Variants in TXLNG observed in about 807,000 individuals in gnomAD.
TXLNG encodes the protein taxilin gamma.
TXLNG carries 5 observed loss-of-function variants against 38.8 expected under a neutral mutation model. That is an observed-to-expected ratio of 0.13 (90% CI 0.07 to 0.27). TXLNG has a LOEUF of 0.27. Among genes scored for constraint, TXLNG ranks in the 10% least tolerant of loss-of-function variants. The pLI, the probability that TXLNG is intolerant of heterozygous loss-of-function variation, is 1.00. For synonymous variants in TXLNG, 182 were observed against 158.2 expected, an observed-to-expected ratio of 1.15 and a Z score of -1.13; for missense variants, 393 against 398.2, an observed-to-expected ratio of 0.99 and a Z score of 0.11.
In TXLNG at chrX:16,818,797, T is replaced by C. The variant is rs757044727; in HGVS notation, c.326T>C (p.Ile109Thr). ...AYCTQESREE[I>T]PGGEARTDPP... The stretch of plus-strand genomic sequence containing the variant: ...TGCACGCAAGAATCAAGAGAGGAAA[T>C]CCCTGGGGGAGAAGCTCGAACAGAT... The change falls in exon 2 of 10, where the codon ATC becomes ACC. Residue 109 changes from isoleucine (I) to threonine (T), a missense_variant. Ile to Thr is a moderately conservative substitution (Grantham distance 89, BLOSUM62 -1). Coordinates refer to ENST00000380122, the MANE Select transcript of TXLNG (RefSeq NM_018360.3). 11 of 1,210,230 alleles carry C rather than the reference T, an allele frequency of 9.1e-6. No homozygotes were observed. The highest frequency in any genetic ancestry group is 3.0e-5 in the East Asian group (1 of 33,797).
At position 16,839,867 on chromosome X, in the gene TXLNG, G is replaced by A. The variant is rs182737478; in HGVS notation, c.1199G>A (p.Arg400His). The change falls in exon 9 of 10, where the codon CGT becomes CAT. Residue 400 changes from arginine (R) to histidine (H), a missense_variant. Coordinates refer to ENST00000380122, the MANE Select transcript of TXLNG (RefSeq NM_018360.3). The stretch of plus-strand genomic sequence containing the variant: ...CTGGAAAAAGAAACAATAATTTGGC[G>A]TACCAAATGGGAAAACAATAATAAA... ...KKLEKETIIW[R>H]TKWENNNKAL... 37 of 1,201,841 alleles carry A rather than the reference G, an allele frequency of 3.1e-5. No individual in the cohort carries two copies. In the East Asian group the frequency reaches 6.6e-4, roughly 21 times the overall value.
intron 1 of TXLNG, among the ~76,000 whole-genome samples, chrX:16,808,718 C>CT (rs1464459427): frequency 1.8e-5 from 2 of 111,400 alleles, no homozygotes; most frequent in African/African-American, 3.3e-5. Flanking sequence ...CCACCTTATT[C>CT]TTTTTTTTAA....
intron 1 of TXLNG, among the ~76,000 whole-genome samples, chrX:16,790,332 C>T (rs1476950216): frequency 1.8e-5 from 2 of 111,104 alleles, no homozygotes; most frequent in African/African-American, 6.5e-5. Flanking sequence ...TCATCCCTCT[C>T]TCCCTTCCCC....
chrX:16,828,023 CATT>C (rs1929232233), intron 3 of TXLNG, 68 bp from the exon 4 acceptor site: 5 of 992,220 alleles, frequency 5.0e-6, no homozygotes, highest in Non-Finnish European at 6.8e-6. Flanking sequence ...CCATAGCTCT[CATT>C]ATAATTCTAG....
At chrX:16,828,327 G>T (rs1318676421) in intron 4 of TXLNG, 63 bp downstream of exon 4, 12 of 1,041,519 alleles carry the variant, frequency 1.2e-5, no homozygotes, top group Non-Finnish European at 1.5e-5. Flanking sequence ...AATCAACCCT[G>T]TGCCTATCTG....
intron 1 of TXLNG, among the ~76,000 whole-genome samples, chrX:16,801,197 G>GT (rs1216329293): frequency 4.5e-5 from 5 of 110,536 alleles, no homozygotes; most frequent in Admixed American, 1.9e-4. Context: ...TTTTTTGTTT[G>GT]TTTTTTGAGA....
At chrX:16,841,332 T>C in intron 9 of TXLNG, 96 bp from the exon 10 acceptor site, 1 of 731,106 alleles carries the variant, frequency 1.4e-6, no homozygotes. Flanking sequence ...ACATGTTCCA[T>C]AGGTGAGAAG....
intron 5 of TXLNG, among the ~76,000 whole-genome samples, chrX:16,830,063 T>G (rs1929331251): frequency 9.0e-6 from 1 of 111,350 alleles, no homozygotes; most frequent in Admixed American, 9.5e-5. Context: ...TTGTTTTCCC[T>G]TATCCAGACT....
rs1929981353 is a variant in TXLNG, at chrX:16,843,974, C to T, written c.*2208C>T. 9.0e-6 allele frequency: 1 copy of T among 111,451 alleles called. No individual in the cohort carries two copies. The highest frequency in any genetic ancestry group is 3.3e-5 in the African/African-American group (1 of 30,574). The allele number at this position is 111,451 out of a possible 1,213,427, so 9.2% of individuals were successfully genotyped here. On this transcript the variant is annotated 3_prime_UTR_variant, in exon 10 of 10. Transcript: ENST00000380122. ...CCCAGTGTTGTGGCTTTGTAGCGCACCCCGTATCTACCATATTCTAGAACA... is the reference window on the plus strand; with the variant it reads ...CCCAGTGTTGTGGCTTTGTAGCGCATCCCGTATCTACCATATTCTAGAACA...
At chrX:16,820,440 G>T (rs1034417274) in intron 3 of TXLNG, among the ~76,000 whole-genome samples, 185 bp downstream of exon 3, 2 of 111,773 alleles carry the variant, frequency 1.8e-5, no homozygotes, top group African/African-American at 3.3e-5. Flanking sequence ...CATTTTATGA[G>T]GTAATATATA....
At chrX:16,804,802 C>T (rs765884389) in intron 1 of TXLNG, among the ~76,000 whole-genome samples, 4 of 108,649 alleles carry the variant, frequency 3.7e-5, no homozygotes, top group African/African-American at 1.3e-4. Context: ...CATTATGTAG[C>T]GGTGAAATCT....
chrX:16,834,412 G>GA (rs778749247), intron 7 of TXLNG, 55 bp downstream of exon 7: 12 of 1,041,710 alleles, frequency 1.2e-5, no homozygotes, highest in Non-Finnish European at 1.5e-5. Context: ...TGGTTCCTTT[G>GA]ATTCTGCATA....
At chrX:16,789,904 C>A (rs1402144859) in intron 1 of TXLNG, among the ~76,000 whole-genome samples, 1 of 109,736 alleles carries the variant, frequency 9.1e-6, no homozygotes, top group Non-Finnish European at 1.9e-5. Flanking sequence ...AAGCAATTCT[C>A]CTGCCTCAGC....
At position 16,786,478 on chromosome X, in the gene TXLNG, C is replaced by T. The variant is rs1245783941; in HGVS notation, c.-10C>T. 1.3e-5 allele frequency: 14 copies of T among 1,109,775 alleles called. No individual in the cohort carries two copies. Among genetic ancestry groups the T allele is most frequent in the Non-Finnish European group, 1.5e-5 (13 of 846,889 alleles). The allele number at this position is 1,109,775 out of a possible 1,213,427, so 91.5% of individuals were successfully genotyped here. Reference sequence around the variant, plus strand: ...TGTCGGGCCGCTTGTTTGGCTGCTGCCGTCACCTCATGGCGACGCGGGTAG... The same window carrying T: ...TGTCGGGCCGCTTGTTTGGCTGCTGTCGTCACCTCATGGCGACGCGGGTAG... On this transcript the variant is annotated 5_prime_UTR_variant, in exon 1 of 10. Transcript: ENST00000380122.
At position 16,842,508 on chromosome X, in the gene TXLNG, T is replaced by G. The variant is rs374411559; in HGVS notation, c.*742T>G. The G allele has an allele frequency of 2.7e-5, 3 of 111,815 alleles. No homozygotes were observed. Among genetic ancestry groups the G allele is most frequent in the South Asian group, 7.5e-4 (2 of 2,654 alleles). The allele number at this position is 111,815 out of a possible 1,213,427, so 9.2% of individuals were successfully genotyped here. On this transcript the variant is annotated 3_prime_UTR_variant, in exon 10 of 10. Coordinates refer to ENST00000380122, the MANE Select transcript of TXLNG (RefSeq NM_018360.3). ...GGGGCTCCCGTAGAGGATGGCGGTT[T>G]GTGTTTGATTCTGATTTGGGATTTC...
At chrX:16,836,686 A>G (rs928588827) in intron 7 of TXLNG, among the ~76,000 whole-genome samples, 9 of 112,372 alleles carry the variant, frequency 8.0e-5, no homozygotes, top group Admixed American at 2.8e-4. Flanking sequence ...GCTGGTGAAT[A>G]TTCTGCATCC....
intron 1 of TXLNG, among the ~76,000 whole-genome samples, chrX:16,791,565 G>A (rs904643980): frequency 5.4e-5 from 6 of 111,789 alleles, no homozygotes; most frequent in Admixed American, 9.6e-5. Context: ...TTATTGGAAC[G>A]TGTTTTATTT....
intron 7 of TXLNG, among the ~76,000 whole-genome samples, chrX:16,836,068 A>G (rs1320148980): frequency 1.8e-5 from 2 of 112,210 alleles, no homozygotes; most frequent in Non-Finnish European, 3.8e-5. Context: ...GACCAGCCTG[A>G]GCAACATGGT....
rs192741886 is a variant in TXLNG, at chrX:16,815,637, C to T, written c.103-2937C>T. On this transcript the variant is annotated intron_variant, in intron 1 of 9. Transcript: ENST00000380122. ...CCCGGGTTCAAGCGATTCTCCTGCC[C>T]CAGCCTCCCGAGTAGCTGGGATTAC... Among the ~76,000 whole-genome samples, 353 of 108,712 alleles carry T rather than the reference C, an allele frequency of 3.2e-3. 4 individuals carry two copies. The highest frequency in any genetic ancestry group is 0.011 in the African/African-American group (340 of 29,782). The allele number at this position is 108,712 out of a possible 115,157, so 94.4% of individuals were successfully genotyped here.
Sources: allele counts gnomAD v4.1 joint callset (sites outside exome capture counted in the v4.1 genomes callset), GRCh38; gene constraint gnomAD v4.1.1; transcripts MANE v1.5; gene names NCBI Gene and HGNC (gene_info 2026-07-23, HGNC 2026-07-21).